The following LARP4B variants were observed in gnomAD, a reference collection of about 807,000 sequenced individuals.
LARP4B encodes the protein La ribonucleoprotein 4B, also known as la-related protein 4B.
A neutral mutation model predicts 89.8 loss-of-function variants in LARP4B; 12 were observed. The ratio of observed to expected loss-of-function variants is 0.13; its 90% CI spans 0.09 to 0.22. The LOEUF is 0.22. LARP4B is among the 10% of genes least tolerant of loss of function. The pLI, the probability that LARP4B is intolerant of heterozygous loss-of-function variation, is 1.00. For synonymous variants in LARP4B, 367 were observed against 363.3 expected (o/e 1.01, Z -0.12); for missense variants, 757 against 947.7 (o/e 0.80, Z 2.64).
At chr10:850,783 A>G (rs1834005973) in intron 5 of LARP4B, among the ~76,000 whole-genome samples, 1 of 152,230 alleles carries the variant, frequency 6.6e-6, no homozygotes, top group African/African-American at 2.4e-5. Context: ...TTTGACCACA[A>G]TGAAATTAAA....
intron 5 of LARP4B, among the ~76,000 whole-genome samples, chr10:848,932 A>C (rs187998917): frequency 9.4e-4 from 143 of 152,314 alleles, no homozygotes; most frequent in South Asian, 1.2e-3. Context: ...ACTGACTTTT[A>C]AATAAAAATA....
intron 8 of LARP4B, among the ~76,000 whole-genome samples, chr10:831,559 C>A (rs1832906984): frequency 6.6e-6 from 1 of 152,162 alleles, no homozygotes; most frequent in South Asian, 2.1e-4. Context: ...TGGGAAACAA[C>A]CGCCTGAGGG....
chr10:829,780 AAT>A (rs1832804126), intron 9 of LARP4B, 46 bp from the exon 10 acceptor site: 6 of 1,349,010 alleles, frequency 4.4e-6, no homozygotes, highest in Non-Finnish European at 5.3e-6. Context: ...TAACCTTATG[AAT>A]AAGAGGCACC....
the LARP4B span, among the ~76,000 whole-genome samples, chr10:957,862 T>A: frequency 6.7e-6 from 1 of 149,656 alleles, no homozygotes; most frequent in Admixed American, 6.8e-5. Flanking sequence ...AGTGGTGTGG[T>A]CTTGGTTCAC....
the LARP4B span, among the ~76,000 whole-genome samples, chr10:974,537 G>A: frequency 6.6e-6 from 1 of 152,168 alleles, no homozygotes; most frequent in African/African-American, 2.4e-5. Context: ...CTCTCTTGAA[G>A]CCTTGCTCTC....
At chr10:850,352 G>A (rs1263980381) in intron 5 of LARP4B, among the ~76,000 whole-genome samples, 1 of 152,110 alleles carries the variant, frequency 6.6e-6, no homozygotes, top group East Asian at 1.9e-4. Flanking sequence ...CCATATTAAG[G>A]CTAGTCAAAA....
chr10:817,264 G>A (rs1275838867), intron 15 of LARP4B, among the ~76,000 whole-genome samples: 1 of 152,222 alleles, frequency 6.6e-6, no homozygotes, highest in Non-Finnish European at 1.5e-5. Context: ...GCGGCACCTC[G>A]TGGGGCAGCC....
chr10:818,853 C>T (rs1159898451), intron 14 of LARP4B: 1 of 152,216 alleles, frequency 6.6e-6, no homozygotes, highest in South Asian at 2.1e-4. Context: ...AAAGTTTATA[C>T]ACAGGAAGGT....
intron 3 of LARP4B, among the ~76,000 whole-genome samples, chr10:872,139 T>C (rs531193310): frequency 1.7e-4 from 26 of 152,352 alleles, no homozygotes; most frequent in African/African-American, 6.3e-4. Context: ...AGTGCACTAC[T>C]TTCTGCGTAA....
At chr10:864,021 A>G in intron 4 of LARP4B, 102 bp downstream of exon 4, 1 of 1,564,952 alleles carries the variant, frequency 6.4e-7, no homozygotes, top group East Asian at 2.3e-5. Context: ...ACATACCATG[A>G]CACAGTTATG....
the LARP4B span, among the ~76,000 whole-genome samples, chr10:965,327 C>G: frequency 1.3e-5 from 2 of 152,206 alleles, no homozygotes; most frequent in African/African-American, 4.8e-5. Context: ...ATCAGAAACC[C>G]AGGTCCTGCC....
Position 928,049 on chromosome 10 carries a change from C to A in LARP4B, c.-40+3379G>T, listed in dbSNP as rs576363407. 2.8e-5 allele frequency among the ~76,000 whole-genome samples: 4 copies of A among 145,040 alleles called. No individual in the cohort carries two copies. In the East Asian group the frequency reaches 8.5e-4, roughly 31 times the overall value. ...CCAACATGGTGAAATCCCAACTCTACTAAAAATACAAAAAAAAAAAAAATT... is the reference window on the plus strand; with the variant it reads ...CCAACATGGTGAAATCCCAACTCTAATAAAAATACAAAAAAAAAAAAAATT... On this transcript the variant is annotated intron_variant, in intron 1 of 17. Transcript: ENST00000316157.
At chr10:912,726 A>AT (rs1313508645) in intron 1 of LARP4B, among the ~76,000 whole-genome samples, 1 of 147,248 alleles carries the variant, frequency 6.8e-6, no homozygotes, top group Non-Finnish European at 1.5e-5. Flanking sequence ...AAAAAAAAAA[A>AT]TTCAAAAAAA....
chr10:929,513 T>C (rs541931846), intron 1 of LARP4B, among the ~76,000 whole-genome samples: 1 of 152,276 alleles, frequency 6.6e-6, no homozygotes, highest in East Asian at 1.9e-4. Context: ...GGAGAATAAC[T>C]TGAAGACCTA....
At chr10:972,176 T>A in the LARP4B span, 1 of 294,176 alleles carries the variant, frequency 3.4e-6, no homozygotes, top group Non-Finnish European at 6.7e-6. Flanking sequence ...TACAGGCATG[T>A]GTCAACACGC....
intron 3 of LARP4B, among the ~76,000 whole-genome samples, chr10:876,346 T>C (rs1341826855): frequency 6.6e-6 from 1 of 151,574 alleles, no homozygotes. Flanking sequence ...TATCACACCA[T>C]CGCACTCCAG....
chr10:923,502 G>T (rs775743489), intron 1 of LARP4B, among the ~76,000 whole-genome samples: 1 of 138,620 alleles, frequency 7.2e-6, no homozygotes, highest in Non-Finnish European at 1.5e-5. Context: ...TATGGACCCA[G>T]TAAAAAAAAA....
intron 1 of LARP4B, among the ~76,000 whole-genome samples, chr10:905,674 GA>G (rs1836470581): frequency 4.5e-5 from 1 of 22,076 alleles, no homozygotes; most frequent in Middle Eastern, 0.014. Context: ...AGGAGCTGAG[GA>G]GCAAGGGAGG....
Position 896,034 on chromosome 10 carries a change from CGCAGGAGAAGCTGCCCAT to C in LARP4B, c.-39-10292_-39-10275del, listed in dbSNP as rs536569218. Among the ~76,000 whole-genome samples the C allele has an allele frequency of 3.3e-3, 505 of 152,370 alleles. 4 individuals carry two copies. Among genetic ancestry groups the C allele is most frequent in the African/African-American group, 0.011 (472 of 41,580 alleles). The stretch of plus-strand genomic sequence containing the variant: ...CCCACAGAAAGGGCACTGCTGCCCA[CGCAGGAGAAGCTGCCCAT>C]GCAGGAGAAGCATCTAAGTCACTTT... On this transcript the variant is annotated intron_variant, in intron 1 of 17. Coordinates refer to ENST00000316157, the MANE Select transcript of LARP4B (RefSeq NM_015155.3).
Sources: gnomAD v4.1 joint callset for allele counts (sites outside exome capture counted in the v4.1 genomes callset) on GRCh38, gnomAD v4.1.1 for gene constraint, MANE v1.5 for transcripts, NCBI Gene and HGNC (gene_info 2026-07-23, HGNC 2026-07-21) for gene names.